KCNJ6: variants seen among roughly 807,000 people sequenced by gnomAD.
The protein encoded by KCNJ6 is potassium inwardly rectifying channel subfamily J member 6, also known as G protein-activated inward rectifier potassium channel 2.
Under a neutral mutation model 34.2 loss-of-function variants are expected in KCNJ6, and 9 were observed. The ratio of observed to expected loss-of-function variants is 0.26; its 90% confidence interval spans 0.16 to 0.46. The LOEUF is 0.46. Among genes scored for constraint, KCNJ6 ranks in the 20% least tolerant of loss-of-function variants. The probability of loss-of-function intolerance (pLI) is 1.00; values close to 1 mark genes in which losing one functional copy is unlikely to be tolerated. For synonymous variants in KCNJ6, 196 were observed against 207.1 expected (o/e 0.95, Z 0.46); for missense variants, 236 against 531.3 (o/e 0.44, Z 5.46).
chr21:37,842,756 G>A (rs1029178370), intron 1 of KCNJ6, among the ~76,000 whole-genome samples: 1 of 152,214 alleles, frequency 6.6e-6, no homozygotes, highest in Non-Finnish European at 1.5e-5. Context: ...TCATGTGAGT[G>A]TGCACAGCGG....
rs1272117109 is a variant in KCNJ6, at chr21:37,624,760, C to G, written c.*399G>C. 4.9e-6 allele frequency: 1 copy of G among 203,810 alleles called. No individual in the cohort carries two copies. Among genetic ancestry groups the G allele is most frequent in the Non-Finnish European group, 9.9e-6 (1 of 100,574 alleles). 12.6% of individuals were successfully genotyped at this position (203,810 alleles called of 1,614,324 possible). A position where few individuals can be genotyped will look rare whatever the true frequency, so the allele number is the denominator to read the frequency against. On this transcript the variant is annotated 3_prime_UTR_variant, in exon 4 of 4. Transcript: ENST00000609713. ...TAAAACTGAGGGCTCCACTCTGTGT[C>G]TCACTGAATGAATAAATAGGCACCA... is the stretch of plus-strand genomic sequence containing the variant.
chr21:37,878,018 G>A (rs7276020), intron 1 of KCNJ6, among the ~76,000 whole-genome samples: 44,853 of 152,102 alleles, frequency 0.29, 8,421 homozygotes, highest in African/African-American at 0.55. Flanking sequence ...AATTCTGAGA[G>A]TACACTCCAT....
intron 2 of KCNJ6, among the ~76,000 whole-genome samples, chr21:37,798,152 GA>G (rs1314893215): frequency 1.3e-5 from 2 of 152,142 alleles, no homozygotes; most frequent in Non-Finnish European, 2.9e-5. Flanking sequence ...CTGTTTTACA[GA>G]CACAAAAACT....
chr21:37,814,155 A>G (rs1194116777), intron 2 of KCNJ6, among the ~76,000 whole-genome samples: 1 of 152,244 alleles, frequency 6.6e-6, no homozygotes, highest in African/African-American at 2.4e-5. Flanking sequence ...ATATGAAAAG[A>G]TGCTCAACAT....
chr21:37,778,325 CTCTGTT>C (rs2055152302), intron 2 of KCNJ6, among the ~76,000 whole-genome samples: 2 of 152,266 alleles, frequency 1.3e-5, no homozygotes, highest in South Asian at 2.1e-4. Context: ...TTTGAGTCTC[CTCTGTT>C]TCTAAGATTG....
At chr21:37,864,538 GACA>G (rs763359395) in intron 1 of KCNJ6, among the ~76,000 whole-genome samples, 9 of 152,190 alleles carry the variant, frequency 5.9e-5, no homozygotes, top group Non-Finnish European at 1.2e-4. Context: ...GAGAGAACTA[GACA>G]ACAAGTTACC....
At chr21:37,698,499 T>TA (rs2054674228) in intron 3 of KCNJ6, among the ~76,000 whole-genome samples, 1 of 152,248 alleles carries the variant, frequency 6.6e-6, no homozygotes, top group Non-Finnish European at 1.5e-5. Flanking sequence ...AATTTGTTTT[T>TA]ATGTGAGGAA....
chr21:37,769,697 T>C (rs1224570195), intron 2 of KCNJ6, among the ~76,000 whole-genome samples: 1 of 152,112 alleles, frequency 6.6e-6, no homozygotes, highest in Non-Finnish European at 1.5e-5. Context: ...GGTTTGAATA[T>C]GTCCTCTCAA....
intron 3 of KCNJ6, among the ~76,000 whole-genome samples, chr21:37,696,915 G>A (rs1213909912): frequency 6.6e-6 from 1 of 152,182 alleles, no homozygotes; most frequent in Non-Finnish European, 1.5e-5. Context: ...TAGCTCCTGA[G>A]GTAGCATGGC....
intron 1 of KCNJ6, among the ~76,000 whole-genome samples, chr21:37,875,459 G>C (rs2055673364): frequency 6.6e-6 from 1 of 152,168 alleles, no homozygotes; most frequent in Non-Finnish European, 1.5e-5. Context: ...GGTGGGGACA[G>C]AGTGAGCAGC....
chr21:37,725,157 A>C (rs569060333), intron 2 of KCNJ6, among the ~76,000 whole-genome samples: 10 of 152,308 alleles, frequency 6.6e-5, no homozygotes, highest in African/African-American at 2.4e-4. Flanking sequence ...GGAGTTTCTG[A>C]TAGAAGGAAT....
rs527975856 is a variant in KCNJ6 at position 37,665,997 on chromosome 21, T to C, written c.947-40513A>G. 8.1e-4 allele frequency among the ~76,000 whole-genome samples: 124 copies of C among 152,178 alleles called. 1 individual carries two copies. The highest frequency in any genetic ancestry group is 1.5e-3 in the Non-Finnish European group (102 of 68,028). ...TGAGCAGGCCCAGCTAGTTGCTGGA[T>C]TGGCTAGTTGCTACCATGATGTCAT... On this transcript the variant is annotated intron_variant, in intron 3 of 3. Coordinates refer to ENST00000609713, the MANE Select transcript of KCNJ6 (RefSeq NM_002240.5).
At chr21:37,813,491 TG>T (rs1170986006) in intron 2 of KCNJ6, among the ~76,000 whole-genome samples, 1 of 152,196 alleles carries the variant, frequency 6.6e-6, no homozygotes, top group African/African-American at 2.4e-5. Flanking sequence ...TCACATTACT[TG>T]ACTTCAAATT....
chr21:37,624,136 ATTTC>A lies in KCNJ6; in HGVS notation c.*1019_*1022del, dbSNP rs2054300467. 6.6e-6 allele frequency: 1 copy of A among 152,132 alleles called. No homozygotes were observed. Among genetic ancestry groups the A allele is most frequent in the African/African-American group, 2.4e-5 (1 of 41,424 alleles). The allele number at this position is 152,132 out of a possible 1,614,324, so 9.4% of individuals were successfully genotyped here. ...TACCTTTGGTGACAGGCTAGAGAATATTTCCTTCCTGGTATTCCCCCTCCTCCAG... is the reference window on the plus strand; with the variant it reads ...TACCTTTGGTGACAGGCTAGAGAATACTTCCTGGTATTCCCCCTCCTCCAG... On this transcript the variant is annotated 3_prime_UTR_variant, in exon 4 of 4. Transcript: ENST00000609713.
chr21:37,724,159 G>C (rs1396213831), intron 2 of KCNJ6, among the ~76,000 whole-genome samples: 1 of 152,082 alleles, frequency 6.6e-6, no homozygotes, highest in Non-Finnish European at 1.5e-5. Flanking sequence ...GGAGTGATAT[G>C]ATTGAGTATT....
chr21:37,754,129 G>C (rs1018305577), intron 2 of KCNJ6, among the ~76,000 whole-genome samples: 1 of 152,162 alleles, frequency 6.6e-6, no homozygotes, highest in African/African-American at 2.4e-5. Context: ...TCATTCTCCA[G>C]GTTTGGCAAA....
At chr21:37,774,178 G>T (rs537897639) in intron 2 of KCNJ6, among the ~76,000 whole-genome samples, 22 of 152,210 alleles carry the variant, frequency 1.4e-4, no homozygotes, top group Non-Finnish European at 2.6e-4. Flanking sequence ...CTTGCTAACT[G>T]CTCGACCTCA....
intron 3 of KCNJ6, among the ~76,000 whole-genome samples, chr21:37,689,037 A>G (rs1352724835): frequency 6.6e-6 from 1 of 152,234 alleles, no homozygotes; most frequent in East Asian, 1.9e-4. Flanking sequence ...ATCGTTGGTG[A>G]TAAATCAAAG....
chr21:37,753,503 G>A (rs1399163469), intron 2 of KCNJ6, among the ~76,000 whole-genome samples: 1 of 149,756 alleles, frequency 6.7e-6, no homozygotes, highest in Non-Finnish European at 1.5e-5. Context: ...AATAGAAACG[G>A]AGAGCTGAAT....
Sources: allele counts gnomAD v4.1 joint callset (sites outside exome capture counted in the v4.1 genomes callset), GRCh38; gene constraint gnomAD v4.1.1; transcripts MANE v1.5; gene names NCBI Gene and HGNC (gene_info 2026-07-23, HGNC 2026-07-21).